UTRN: variants seen among roughly 807,000 people sequenced by gnomAD.
UTRN encodes the protein dystrophin-related protein 1.
Under a neutral mutation model 463.9 loss-of-function variants are expected in UTRN, and 283 were observed. The ratio of observed to expected loss-of-function variants is 0.61; its 90% CI spans 0.55 to 0.67. UTRN has a LOEUF of 0.67. UTRN is among the 30% of genes least tolerant of loss of function. The pLI, the probability that UTRN is intolerant of heterozygous loss-of-function variation, is 0.00. For missense variants in UTRN, 3,922 were observed against 4,084.3 expected, an observed-to-expected ratio of 0.96 and a Z score of 1.08; for synonymous variants, 1,442 against 1,431.5, an observed-to-expected ratio of 1.01 and a Z score of -0.17.
chr6:144,334,315 TGGG>T, intron 2 of UTRN, among the ~76,000 whole-genome samples: 1 of 36,340 alleles, frequency 2.8e-5, no homozygotes, highest in Non-Finnish European at 5.6e-5. Flanking sequence ...GGTGTGTGTT[TGGG>T]GGGGGTGGGG....
At chr6:144,691,099 T>A (rs1202390703) in intron 52 of UTRN, among the ~76,000 whole-genome samples, 6 of 152,196 alleles carry the variant, frequency 3.9e-5, no homozygotes. Flanking sequence ...ATATGCTAGA[T>A]CTACAATATT....
chr6:144,725,545 T>A (rs936472689), intron 53 of UTRN, among the ~76,000 whole-genome samples: 32 of 152,230 alleles, frequency 2.1e-4, no homozygotes, highest in African/African-American at 7.2e-4. Context: ...TATATGCATT[T>A]AAGGTGGCCC....
chr6:144,537,100 ATT>A (rs1178270650), intron 43 of UTRN, among the ~76,000 whole-genome samples: 1 of 152,030 alleles, frequency 6.6e-6, no homozygotes, highest in Non-Finnish European at 1.5e-5. Flanking sequence ...CTTTGTTCTT[ATT>A]CTTTCTGTTC....
intron 51 of UTRN, among the ~76,000 whole-genome samples, chr6:144,626,840 G>A (rs1298397444): frequency 2.6e-5 from 4 of 152,004 alleles, no homozygotes; most frequent in South Asian, 2.1e-4. Context: ...GCGTTTCACC[G>A]TGTTGGCCAG....
At chr6:144,484,636 T>C (rs2128575622) in intron 27 of UTRN, among the ~76,000 whole-genome samples, 1 of 151,816 alleles carries the variant, frequency 6.6e-6, no homozygotes, top group African/African-American at 2.4e-5. Context: ...AGAGATGGGG[T>C]TTCACCATGT....
At position 144,407,847 on chromosome 6, in the gene UTRN, G is replaced by A. The variant is rs1783547621; in HGVS notation, c.141+4663G>A. On this transcript the variant is annotated intron_variant, in intron 3 of 74. Coordinates refer to ENST00000367545, the MANE Select transcript of UTRN (RefSeq NM_007124.3). Reference sequence around the variant, plus strand: ...GAATTCAGGATCCTGAGAAGTCATAGTGTAGAGTAAATTATGGCTCTTGGA... The same window carrying A: ...GAATTCAGGATCCTGAGAAGTCATAATGTAGAGTAAATTATGGCTCTTGGA... Among the ~76,000 whole-genome samples the A allele has an allele frequency of 2.0e-5, 3 of 152,206 alleles. No homozygotes were observed. In the South Asian group the frequency reaches 6.2e-4, roughly 31 times the overall value.
chr6:144,441,856 A>G (rs916132687), intron 13 of UTRN, among the ~76,000 whole-genome samples: 1 of 152,174 alleles, frequency 6.6e-6, no homozygotes, highest in African/African-American at 2.4e-5. Flanking sequence ...CGCAGGCTCA[A>G]CACCACATGG....
rs183575117 is a variant in UTRN, at chr6:144,614,907, G to A, written c.7479+37619G>A. Reference sequence around the variant, plus strand: ...ATTCCTGACCTTAAACAAAGATAACGTGTAGCTTTCAATATATGAACCTTT... The same window carrying A: ...ATTCCTGACCTTAAACAAAGATAACATGTAGCTTTCAATATATGAACCTTT... On this transcript the variant is annotated intron_variant, in intron 51 of 74. Transcript: ENST00000367545. 3.9e-3 allele frequency among the ~76,000 whole-genome samples: 591 copies of A among 152,194 alleles called. 3 individuals carry two copies. The highest frequency in any genetic ancestry group is 4.8e-3 in the Non-Finnish European group (329 of 67,980).
intron 2 of UTRN, among the ~76,000 whole-genome samples, chr6:144,363,187 C>T (rs1032914387): frequency 2.0e-5 from 3 of 152,126 alleles, no homozygotes; most frequent in Non-Finnish European, 4.4e-5. Flanking sequence ...CAGTATCTTA[C>T]AGAACTGTAT....
At chr6:144,334,908 C>T (rs1562261307) in intron 2 of UTRN, among the ~76,000 whole-genome samples, 1 of 152,166 alleles carries the variant, frequency 6.6e-6, no homozygotes, top group African/African-American at 2.4e-5. Flanking sequence ...AATATTGACA[C>T]AACTTAACTT....
At chr6:144,486,442 T>A (rs1792459554) in intron 28 of UTRN, among the ~76,000 whole-genome samples, 1 of 152,226 alleles carries the variant, frequency 6.6e-6, no homozygotes, top group South Asian at 2.1e-4. Flanking sequence ...GTTTGTAGAT[T>A]TCTTCCTAAT....
chr6:144,495,343 G>A lies in UTRN; in HGVS notation c.4593+1887G>A, dbSNP rs532218977. Among the ~76,000 whole-genome samples, 7 of 152,354 alleles carry A rather than the reference G, an allele frequency of 4.6e-5. No homozygotes were observed. The South Asian group carries it at 1.2e-3, about 27-fold the overall frequency. The stretch of plus-strand genomic sequence containing the variant: ...GAGAAATTGAGCGCAGCGCCGGTGG[G>A]CTGGCACTGCTGGGGGACCCAGTAC... On this transcript the variant is annotated intron_variant, in intron 33 of 74. Coordinates refer to ENST00000367545, the MANE Select transcript of UTRN (RefSeq NM_007124.3).
intron 2 of UTRN, among the ~76,000 whole-genome samples, chr6:144,346,038 C>T (rs144257228): frequency 0.064 from 9,709 of 151,864 alleles, 1,023 homozygotes; most frequent in African/African-American, 0.22. Flanking sequence ...ATTAGTCGGG[C>T]GTGGTGGCAC....
At position 144,836,428 on chromosome 6, in the gene UTRN, G is replaced by A. The variant is rs1781110787; in HGVS notation, c.9952G>A (p.Ala3318Thr). Residue 3318 changes from alanine (A) to threonine (T), a missense_variant, in exon 71 of 75, where the codon GCA (alanine) becomes ACA (threonine). Coordinates refer to ENST00000367545, the MANE Select transcript of UTRN (RefSeq NM_007124.3). Reference protein sequence around the residue: ...TSEDSELIAEAKLLRQHKGRL... With the variant: ...TSEDSELIAETKLLRQHKGRL... ...TGAGGATTCAGAACTTATAGCAGAAGCAAAACTCCTCAGGCAGCACAAAGG... is the reference window on the plus strand; with the variant it reads ...TGAGGATTCAGAACTTATAGCAGAAACAAAACTCCTCAGGCAGCACAAAGG... 1.9e-6 allele frequency: 3 copies of A among 1,610,846 alleles called. No individual in the cohort carries two copies. The South Asian group carries it at 3.3e-5, about 18-fold the overall frequency.
At chr6:144,540,494 T>G (rs989764252) in intron 45 of UTRN, among the ~76,000 whole-genome samples, 11 of 152,218 alleles carry the variant, frequency 7.2e-5, no homozygotes, top group African/African-American at 2.7e-4. Context: ...GATTCACACA[T>G]GTGTATCTCT....
At chr6:144,567,353 A>G (rs374323098) in intron 50 of UTRN, among the ~76,000 whole-genome samples, 1 of 152,126 alleles carries the variant, frequency 6.6e-6, no homozygotes, top group South Asian at 2.1e-4. Context: ...TTGGTTGACT[A>G]ATGAAGACCA....
intron 47 of UTRN, 24 bp from the exon 48 acceptor site, chr6:144,550,941 C>A: frequency 6.4e-7 from 1 of 1,557,566 alleles, no homozygotes; most frequent in South Asian, 1.2e-5. Flanking sequence ...TTAACCTATC[C>A]GAATAATCAT....
At chr6:144,821,571 G>GA (rs1400315666) in intron 66 of UTRN, among the ~76,000 whole-genome samples, 1 of 151,822 alleles carries the variant, frequency 6.6e-6, no homozygotes, top group African/African-American at 2.4e-5. Context: ...ACATAAAATA[G>GA]AAAAAATTTA....
At chr6:144,407,147 G>A (rs1783491937) in intron 3 of UTRN, among the ~76,000 whole-genome samples, 1 of 152,058 alleles carries the variant, frequency 6.6e-6, no homozygotes, top group Admixed American at 6.6e-5. Context: ...TTAAATAGTT[G>A]CCAGCCTTTT....
Sources: allele counts gnomAD v4.1 joint callset (sites outside exome capture counted in the v4.1 genomes callset), GRCh38; gene constraint gnomAD v4.1.1; transcripts MANE v1.5; gene names NCBI Gene and HGNC (gene_info 2026-07-23, HGNC 2026-07-21).